RASGEF1A: variants seen among roughly 807,000 people sequenced by gnomAD.
RASGEF1A encodes ras-GEF domain-containing family member 1A.
A neutral mutation model predicts 56.4 loss-of-function variants in RASGEF1A; 18 were observed. That is an observed-to-expected ratio of 0.32 (90% confidence interval 0.22 to 0.47). RASGEF1A has a LOEUF of 0.47. RASGEF1A is among the 20% of genes least tolerant of loss of function. The pLI is 1.00. For missense variants in RASGEF1A, 422 were observed against 627.1 expected (o/e 0.67, Z 3.49); for synonymous variants, 245 against 242.6 (o/e 1.01, Z -0.09).
At chr10:43,263,247 G>A (rs1415559394) in intron 1 of RASGEF1A, among the ~76,000 whole-genome samples, 1 of 152,108 alleles carries the variant, frequency 6.6e-6, no homozygotes, top group Non-Finnish European at 1.5e-5. Flanking sequence ...GCCAAGCCCA[G>A]GAAATGGGTG....
chr10:43,228,349 C>T (rs1194463782), intron 1 of RASGEF1A, among the ~76,000 whole-genome samples: 2 of 152,188 alleles, frequency 1.3e-5, no homozygotes, highest in Non-Finnish European at 2.9e-5. Context: ...GTGGTCAGCA[C>T]GCTGGGCACC....
chr10:43,248,863 T>C (rs1182783547), intron 1 of RASGEF1A, among the ~76,000 whole-genome samples: 1 of 151,504 alleles, frequency 6.6e-6, no homozygotes, highest in Non-Finnish European at 1.5e-5. Flanking sequence ...CTGGGCCTCA[T>C]GAAGCATAAA....
At chr10:43,234,522 C>T (rs1240158331) in intron 1 of RASGEF1A, among the ~76,000 whole-genome samples, 1 of 152,158 alleles carries the variant, frequency 6.6e-6, no homozygotes, top group Non-Finnish European at 1.5e-5. Flanking sequence ...CCCAGTGCCC[C>T]ACAGGGGGCT....
chr10:43,239,875 G>A (rs1373992309), intron 1 of RASGEF1A, among the ~76,000 whole-genome samples: 1 of 152,210 alleles, frequency 6.6e-6, no homozygotes, highest in Non-Finnish European at 1.5e-5. Context: ...ACAAATGCCT[G>A]AAGCAGTAGA....
chr10:43,222,784 G>T (rs1840224805), intron 1 of RASGEF1A, among the ~76,000 whole-genome samples: 1 of 152,208 alleles, frequency 6.6e-6, no homozygotes, highest in Admixed American at 6.5e-5. Context: ...TGGGTCAGAA[G>T]CACAGGCCAC....
rs192191782 is a variant in RASGEF1A at position 43,224,085 on chromosome 10, T to C, written c.-6-17963A>G. ...AACCCAAAAAGACCAATAACCATAG[T>C]ACAAATTAAGTTGAGAGCCAACTAA... On this transcript the variant is annotated intron_variant, in intron 1 of 12. Transcript: ENST00000395810. 5.1e-4 allele frequency among the ~76,000 whole-genome samples: 78 copies of C among 152,162 alleles called. 1 individual carries two copies. The highest frequency in any genetic ancestry group is 8.3e-4 in the South Asian group (4 of 4,820).
chr10:43,245,215 C>T (rs1840555718), intron 1 of RASGEF1A, among the ~76,000 whole-genome samples: 1 of 148,680 alleles, frequency 6.7e-6, no homozygotes, highest in African/African-American at 2.6e-5. Flanking sequence ...TGGGAAAATT[C>T]CTAGAGAAAC....
chr10:43,245,625 T>C (rs544338558), intron 1 of RASGEF1A, among the ~76,000 whole-genome samples: 4 of 152,150 alleles, frequency 2.6e-5, no homozygotes, highest in African/African-American at 7.2e-5. Context: ...TAGATCAACA[T>C]ACAAAGATCA....
chr10:43,226,040 T>TC (rs1840276190), intron 1 of RASGEF1A, among the ~76,000 whole-genome samples: 1 of 151,952 alleles, frequency 6.6e-6, no homozygotes, highest in African/African-American at 2.4e-5. Flanking sequence ...GGCTGGGTTA[T>TC]TCCCCGAGGC....
chr10:43,244,770 T>A (rs1840551395), intron 1 of RASGEF1A, among the ~76,000 whole-genome samples: 1 of 152,110 alleles, frequency 6.6e-6, no homozygotes, highest in Admixed American at 6.5e-5. Flanking sequence ...TAAATGGACA[T>A]GAAAACATAA....
chr10:43,227,387 C>A (rs1472875763), intron 1 of RASGEF1A, among the ~76,000 whole-genome samples: 1 of 146,204 alleles, frequency 6.8e-6, no homozygotes, highest in Non-Finnish European at 1.5e-5. Flanking sequence ...CCTGGCCAGG[C>A]CTGGACCCCC....
Position 43,196,543 on chromosome 10 carries a change from A to G in RASGEF1A, c.1354T>C (p.Phe452Leu). ...TAPIYSEEALFVASFESEGPE... is the reference protein window; with the variant it reads ...TAPIYSEEALLVASFESEGPE... ...CCCTCACTTTCAAAGGAGGCGACGA[A>G]GAGAGCTGAGAGATGGGAAAGTCCC... The change falls in exon 12 of 13, where the codon TTC becomes CTC. Residue 452 changes from phenylalanine (F) to leucine (L), a missense_variant. By Grantham distance (22) the Phe-to-Leu change is conservative. Around this residue, in one of 2 missense-constraint regions of RASGEF1A, gnomAD observed 149 missense variants for 287.2 expected, o/e 0.52. Coordinates refer to ENST00000395810, the MANE Select transcript of RASGEF1A (RefSeq NM_145313.4). The surrounding 1 kb of genome is among the most constrained non-coding windows in gnomAD (Gnocchi z 4.6). 6.2e-7 allele frequency: 1 copy of G among 1,613,486 alleles called. No individual in the cohort carries two copies. Among genetic ancestry groups the G allele is most frequent in the Non-Finnish European group, 8.5e-7 (1 of 1,179,988 alleles).
intron 1 of RASGEF1A, among the ~76,000 whole-genome samples, chr10:43,230,008 G>T (rs1205117788): frequency 1.3e-5 from 2 of 152,014 alleles, no homozygotes; most frequent in African/African-American, 4.8e-5. Context: ...TAGGTGCCGG[G>T]GTGTGAGGCT....
chr10:43,237,904 C>A (rs1347960367), intron 1 of RASGEF1A, among the ~76,000 whole-genome samples: 2 of 152,208 alleles, frequency 1.3e-5, no homozygotes, highest in Admixed American at 6.5e-5. Flanking sequence ...CCCTGTCCTG[C>A]AGACACTCAG....
intron 1 of RASGEF1A, among the ~76,000 whole-genome samples, chr10:43,260,792 G>A (rs540162114): frequency 6.6e-6 from 1 of 152,344 alleles, no homozygotes; most frequent in South Asian, 2.1e-4. Flanking sequence ...ACAGCGCTCA[G>A]CATTCTATTT....
chr10:43,197,319 A>T (rs529653730), intron 10 of RASGEF1A, among the ~76,000 whole-genome samples: 2 of 152,080 alleles, frequency 1.3e-5, no homozygotes, highest in African/African-American at 4.8e-5. Context: ...CTGGCCCTCC[A>T]CCTGGGCCAT....
intron 4 of RASGEF1A, 78 bp downstream of exon 4, chr10:43,201,727 TGTC>T: frequency 7.3e-7 from 1 of 1,370,552 alleles, no homozygotes; most frequent in Non-Finnish European, 9.7e-7. Context: ...CATACAGAGT[TGTC>T]CCCGAAGCCC....
At chr10:43,212,385 G>C (rs1298064486) in intron 1 of RASGEF1A, among the ~76,000 whole-genome samples, 1 of 152,228 alleles carries the variant, frequency 6.6e-6, no homozygotes, top group Non-Finnish European at 1.5e-5. Flanking sequence ...GAGTAGGGTA[G>C]AGGAGGGGCT....
chr10:43,262,150 A>C (rs2133232620), intron 1 of RASGEF1A, among the ~76,000 whole-genome samples: 1 of 152,228 alleles, frequency 6.6e-6, no homozygotes, highest in East Asian at 1.9e-4. Context: ...AGGGTCCACC[A>C]GATTTGGGCA....
Sources: allele counts gnomAD v4.1 joint callset (sites outside exome capture counted in the v4.1 genomes callset), GRCh38; gene constraint gnomAD v4.1.1; regional missense constraint gnomAD v4.1.1; non-coding constraint Gnocchi (gnomAD v3.1); transcripts MANE v1.5; gene names NCBI Gene and HGNC (gene_info 2026-07-23, HGNC 2026-07-21).